Variants in MPDZ observed in about 807,000 individuals in gnomAD.
The protein encoded by MPDZ is multiple PDZ domain protein.
In MPDZ, 234 loss-of-function variants were observed where a neutral mutation model predicts 239.1. The observed-to-expected ratio is 0.98, with a 90% CI of 0.88 to 1.09. The LOEUF (loss-of-function observed/expected upper bound fraction) is 1.09. MPDZ is among the 50% of genes least tolerant of loss of function. The pLI, the probability that MPDZ is intolerant of heterozygous loss-of-function variation, is 0.00. For missense variants in MPDZ, 3,175 were observed against 2,510.0 expected (o/e 1.26, Z -5.66); for synonymous variants, 1,048 against 881.3 (o/e 1.19, Z -3.35).
intron 15 of MPDZ, among the ~76,000 whole-genome samples, 159 bp downstream of exon 15, chr9:13,191,972 T>C (rs1161870979): frequency 6.6e-6 from 1 of 152,166 alleles, no homozygotes; most frequent in Non-Finnish European, 1.5e-5. Flanking sequence ...GTGTCAAGTC[T>C]GATTCAAACC....
intron 1 of MPDZ, among the ~76,000 whole-genome samples, chr9:13,265,105 T>G (rs959432289): frequency 6.6e-6 from 1 of 152,188 alleles, no homozygotes. Flanking sequence ...CCACATTATT[T>G]TCTTGGGGGA....
intron 1 of MPDZ, among the ~76,000 whole-genome samples, chr9:13,265,881 G>A (rs578107275): frequency 1.3e-5 from 2 of 152,236 alleles, no homozygotes; most frequent in South Asian, 4.2e-4. Flanking sequence ...GGAGGTAGGA[G>A]AGAAGACCAT....
chr9:13,156,607 CTTCCACA>C (rs1949850727), intron 24 of MPDZ, among the ~76,000 whole-genome samples: 1 of 152,154 alleles, frequency 6.6e-6, no homozygotes, highest in Admixed American at 6.6e-5. Context: ...CACAGGGCCC[CTTCCACA>C]ACATGTGGGA....
rs1364822161 is a variant in MPDZ at position 13,222,152 on chromosome 9, T to G, written c.747+81A>C. ...AAAAACTCAAGAAGTGCAAAGACCC[T>G]ACACAAATTAGAAACTTGGAGATAA... is the stretch of plus-strand genomic sequence containing the variant. On this transcript the variant is annotated intron_variant, in intron 6 of 46. Coordinates refer to ENST00000319217, the MANE Select transcript of MPDZ (RefSeq NM_001378778.1). 4.3e-6 allele frequency: 5 copies of G among 1,163,056 alleles called. No individual in the cohort carries two copies. In the African/African-American group the frequency reaches 7.8e-5, roughly 18 times the overall value. The allele number at this position is 1,163,056 out of a possible 1,614,324, so 72.0% of individuals were successfully genotyped here. A position where few individuals can be genotyped will look rare whatever the true frequency, so the allele number is the denominator to read the frequency against.
chr9:13,254,615 TC>T (rs1968966966), intron 1 of MPDZ, among the ~76,000 whole-genome samples: 1 of 152,160 alleles, frequency 6.6e-6, no homozygotes. Context: ...TATTGCAGGA[TC>T]AGTTCCAGAC....
chr9:13,118,498 C>T (rs1157354423), intron 39 of MPDZ, among the ~76,000 whole-genome samples: 4 of 152,166 alleles, frequency 2.6e-5, no homozygotes, highest in African/African-American at 9.7e-5. Context: ...CCTCCAACAG[C>T]TCTACTGCTG....
In MPDZ at chr9:13,131,522, G is replaced by T. The variant is rs554245966; in HGVS notation, c.4464+2302C>A. Among the ~76,000 whole-genome samples, 4 of 152,202 alleles carry T rather than the reference G, an allele frequency of 2.6e-5. No homozygotes were observed. In the East Asian group the frequency reaches 7.7e-4, roughly 29 times the overall value. ...AGTGACACCACCTTGAAGCGAAACC[G>T]CCATGGTGACCAATGTTTGACTCCT... On this transcript the variant is annotated intron_variant, in intron 32 of 46. Transcript: ENST00000319217.
chr9:13,207,625 T>C (rs955225784), intron 10 of MPDZ, among the ~76,000 whole-genome samples: 1 of 152,244 alleles, frequency 6.6e-6, no homozygotes, highest in Non-Finnish European at 1.5e-5. Flanking sequence ...CTTGATGTCT[T>C]TGACTGCCGT....
intron 10 of MPDZ, among the ~76,000 whole-genome samples, chr9:13,208,164 T>G (rs1430840475): frequency 6.6e-6 from 1 of 152,158 alleles, no homozygotes; most frequent in Non-Finnish European, 1.5e-5. Context: ...AGATCAAGGC[T>G]GGGCGCAGTG....
Position 13,106,235 on chromosome 9 carries a change from T to C in MPDZ, c.*730A>G, listed in dbSNP as rs148628333. On this transcript the variant is annotated 3_prime_UTR_variant, in exon 47 of 47. Transcript: ENST00000319217. The stretch of plus-strand genomic sequence containing the variant: ...ATGGGGTGGCATCATCATTTACTTA[T>C]AGCAACATGAAAATATTTTACAAAA... 4.7e-4 allele frequency: 71 copies of C among 152,230 alleles called. 1 individual carries two copies. Among genetic ancestry groups the C allele is most frequent in the African/African-American group, 1.7e-3 (70 of 41,564 alleles). The allele number at this position is 152,230 out of a possible 1,614,324, so 9.4% of individuals were successfully genotyped here.
At chr9:13,160,602 C>T (rs1339000203) in intron 23 of MPDZ, among the ~76,000 whole-genome samples, 3 of 151,314 alleles carry the variant, frequency 2.0e-5, no homozygotes, top group African/African-American at 7.3e-5. Flanking sequence ...ACAGGAAGCA[C>T]CAGGAAACTA....
chr9:13,240,998 G>T (rs953253767), intron 3 of MPDZ, among the ~76,000 whole-genome samples: 4 of 152,110 alleles, frequency 2.6e-5, no homozygotes, highest in Non-Finnish European at 4.4e-5. Context: ...CCAATAGCAA[G>T]ATGGTGTTGC....
At chr9:13,174,896 T>A (rs1273795510) in intron 21 of MPDZ, among the ~76,000 whole-genome samples, 3 of 152,152 alleles carry the variant, frequency 2.0e-5, no homozygotes, top group Admixed American at 1.3e-4. Context: ...GAAATCCCAC[T>A]CATCAAGTAA....
At chr9:13,155,325 G>C (rs1443165865) in intron 24 of MPDZ, among the ~76,000 whole-genome samples, 1 of 151,962 alleles carries the variant, frequency 6.6e-6, no homozygotes, top group African/African-American at 2.4e-5. Context: ...TCCACTTCTG[G>C]ATATATTCCC....
chr9:13,252,290 G>C (rs1003406837), intron 1 of MPDZ, among the ~76,000 whole-genome samples: 1 of 152,026 alleles, frequency 6.6e-6, no homozygotes, highest in Admixed American at 6.6e-5. Flanking sequence ...TAAATAGGCC[G>C]GGCGCGGTGG....
chr9:13,135,504 A>AT (rs1395606208), intron 31 of MPDZ: 6 of 152,096 alleles, frequency 3.9e-5, no homozygotes, highest in Non-Finnish European at 7.4e-5. Context: ...GCTACCTCTG[A>AT]TTTTTCTCTA....
chr9:13,186,941 C>T (rs1029126913), intron 17 of MPDZ, among the ~76,000 whole-genome samples: 16 of 152,058 alleles, frequency 1.1e-4, no homozygotes, highest in African/African-American at 3.1e-4. Flanking sequence ...TAAAACAAAA[C>T]GAAACAAAAA....
chr9:13,128,221 T>C (rs1032511719), intron 32 of MPDZ, among the ~76,000 whole-genome samples: 3 of 152,204 alleles, frequency 2.0e-5, no homozygotes, highest in Non-Finnish European at 2.9e-5. Flanking sequence ...CTTAGTGACT[T>C]GATTCTAACA....
At chr9:13,188,698 T>C in intron 17 of MPDZ, 86 bp downstream of exon 17, 1 of 1,138,970 alleles carries the variant, frequency 8.8e-7, no homozygotes, top group Non-Finnish European at 1.3e-6. Flanking sequence ...CACGATTCAA[T>C]CATGAGAACA....
Sources: gnomAD v4.1 joint callset for allele counts (sites outside exome capture counted in the v4.1 genomes callset) on GRCh38, gnomAD v4.1.1 for gene constraint, MANE v1.5 for transcripts, NCBI Gene and HGNC (gene_info 2026-07-23, HGNC 2026-07-21) for gene names.